FGD2: variants seen among roughly 807,000 people sequenced by gnomAD.
FGD2 encodes FYVE, RhoGEF and PH domain containing 2.
Under a neutral mutation model 75.9 loss-of-function variants are expected in FGD2, and 52 were observed. That is an observed-to-expected ratio of 0.69 (90% CI 0.55 to 0.86). The LOEUF (loss-of-function observed/expected upper bound fraction) is 0.86, where lower values mean the gene tolerates loss of function less well. FGD2 is among the 40% of genes least tolerant of loss of function. The pLI is 0.00. For missense variants in FGD2, 790 were observed against 872.0 expected (o/e 0.91, Z 1.18); for synonymous variants, 347 against 348.6 (o/e 1.00, Z 0.05).
chr6:37,007,870 C>T (rs903839677), intron 1 of FGD2, among the ~76,000 whole-genome samples: 1 of 152,156 alleles, frequency 6.6e-6, no homozygotes, highest in Non-Finnish European at 1.5e-5. Flanking sequence ...AGCACTAGGT[C>T]CCAATGCTTT....
intron 12 of FGD2, chr6:37,021,933 G>C: frequency 2.0e-6 from 1 of 494,012 alleles, no homozygotes; most frequent in Non-Finnish European, 3.6e-6. Flanking sequence ...AGGTGAGTGA[G>C]GTGGGGGCTG....
chr6:37,011,610 A>C, intron 3 of FGD2, 96 bp from the exon 4 acceptor site: 3 of 1,500,168 alleles, frequency 2.0e-6, no homozygotes, highest in Non-Finnish European at 2.7e-6. Flanking sequence ...GGGAGGTGGA[A>C]GCATGCAGTA....
At chr6:37,027,866 C>A (rs1044437037) in intron 15 of FGD2, 82 bp from the exon 16 acceptor site, 1 of 1,467,744 alleles carries the variant, frequency 6.8e-7, no homozygotes. Context: ...GCTGTGCGTG[C>A]GTGGCTGTTG....
chr6:37,006,844 C>T (rs1002109615), intron 1 of FGD2, among the ~76,000 whole-genome samples: 1 of 152,042 alleles, frequency 6.6e-6, no homozygotes, highest in Non-Finnish European at 1.5e-5. Context: ...CTGCAGTGCA[C>T]CTGCCACAGA....
intron 3 of FGD2, 89 bp downstream of exon 3, chr6:37,011,139 G>A: frequency 7.8e-7 from 1 of 1,281,754 alleles, no homozygotes; most frequent in Non-Finnish European, 1.1e-6. Flanking sequence ...GCTCACCAGA[G>A]CTGAGTCAGG....
chr6:37,021,522 C>T lies in FGD2; in HGVS notation c.1244C>T (p.Ala415Val). The T allele has an allele frequency of 6.2e-7, 1 of 1,613,498 alleles. No individual in the cohort carries two copies. The highest frequency in any genetic ancestry group is 8.5e-7 in the Non-Finnish European group (1 of 1,179,704). The change falls in exon 12 of 16, where the codon GCA (alanine) becomes GTA (valine). Residue 415 changes from alanine (A) to valine (V), a missense_variant. Transcript: ENST00000274963. ...EMISWMQAFQ[A>V]AIDQIEKRNE... is the part of the protein sequence containing the mutation. ...CTCCCTGCACCCCAGGCCTTCCAAG[C>T]AGCCATTGACCAAATCGAGAAGCGG...
In FGD2 at chr6:37,015,853, G is replaced by A. The variant is rs1300092525; in HGVS notation, c.1115G>A (p.Gly372Glu). Residue 372 changes from glycine to glutamate, a missense_variant, in exon 9 of 16, where the codon GGG (glycine) becomes GAG (glutamate). Gly to Glu is a moderately conservative substitution (Grantham distance 98). Coordinates refer to ENST00000274963, the MANE Select transcript of FGD2 (RefSeq NM_173558.4). ...FQVRTRIDVA[G>E]MKVRELMDAE... ...GTGAGGACCCGCATCGATGTGGCCG[G>A]GATGAAGGTAAGAGGCCCCCTAAAC... is the stretch of plus-strand genomic sequence containing the variant. 1.3e-6 allele frequency: 2 copies of A among 1,579,870 alleles called. No homozygotes were observed. The highest frequency in any genetic ancestry group is 1.7e-6 in the Non-Finnish European group (2 of 1,163,042).
intron 14 of FGD2, chr6:37,026,238 C>A (rs936714796): frequency 1.0e-6 from 1 of 985,336 alleles, no homozygotes; most frequent in Admixed American, 6.1e-5. Context: ...CTCATGTTCA[C>A]GTCCCCATGT....
rs1765013471 is a variant in FGD2, at chr6:37,011,706, G to A, written c.379G>A (p.Val127Met). ...YVARLHLLDQ[V>M]FFQELLKTAR... ...GAGTGACCTGTCGTGGCGGCTACAGGTGTTTTTCCAGGAGCTGCTGAAGAC... is the reference window on the plus strand; with the variant it reads ...GAGTGACCTGTCGTGGCGGCTACAGATGTTTTTCCAGGAGCTGCTGAAGAC... The change falls in exon 4 of 16, where the codon GTG (valine) becomes ATG (methionine). Residue 127 changes from valine to methionine, a missense_variant and splice_region_variant. By Grantham distance (21) the Val-to-Met change is conservative. Coordinates refer to ENST00000274963, the MANE Select transcript of FGD2 (RefSeq NM_173558.4). The A allele has an allele frequency of 1.2e-6, 2 of 1,613,394 alleles. No homozygotes were observed. Among genetic ancestry groups the A allele is most frequent in the Non-Finnish European group, 8.5e-7 (1 of 1,179,764 alleles).
chr6:37,020,207 T>C (rs536423359), intron 9 of FGD2, among the ~76,000 whole-genome samples: 1 of 152,380 alleles, frequency 6.6e-6, no homozygotes, highest in South Asian at 2.1e-4. Context: ...GAAAACGGTA[T>C]AATGAACCTC....
intron 4 of FGD2, chr6:37,013,048 T>A (rs1475598050): frequency 1.7e-5 from 2 of 120,438 alleles, no homozygotes; most frequent in Non-Finnish European, 3.6e-5. Flanking sequence ...GTGAGGGGCA[T>A]GGAATGAGGT....
chr6:37,025,776 T>C lies in FGD2; in HGVS notation c.1459-16T>C. ...GCCTGGTCTCAGCCCCATGCCCCCT[T>C]ATGTGTCCTCCTCAGGTGGTGTGTG... On this transcript the variant is annotated splice_polypyrimidine_tract_variant and intron_variant, in intron 13 of 15. Coordinates refer to ENST00000274963, the MANE Select transcript of FGD2 (RefSeq NM_173558.4). 6.2e-7 allele frequency: 1 copy of C among 1,613,938 alleles called. No homozygotes were observed. The highest frequency in any genetic ancestry group is 8.5e-7 in the Non-Finnish European group (1 of 1,179,946).
At chr6:37,027,180 C>A (rs181257211) in intron 14 of FGD2, among the ~76,000 whole-genome samples, 21 of 152,142 alleles carry the variant, frequency 1.4e-4, no homozygotes, top group Non-Finnish European at 2.6e-4. Context: ...GGCACCCTCC[C>A]GGCACCTGCC....
At chr6:37,022,526 T>A (rs1765640946) in intron 13 of FGD2, 156 bp downstream of exon 13, 1 of 1,039,658 alleles carries the variant, frequency 9.6e-7, no homozygotes, top group Non-Finnish European at 1.3e-6. Context: ...CCTCCACCTG[T>A]CCCTCCGAGG....
chr6:37,027,658 C>T, intron 15 of FGD2, 83 bp downstream of exon 15: 1 of 1,521,714 alleles, frequency 6.6e-7, no homozygotes, highest in African/African-American at 1.4e-5. Flanking sequence ...GTGAGTATTG[C>T]TAGCTCCATA....
At position 37,011,689 on chromosome 6, in the gene FGD2, T is replaced by A. The variant is rs1430203188; in HGVS notation, c.379-17T>A. The A allele has an allele frequency of 1.2e-6, 2 of 1,613,182 alleles. No homozygotes were observed. Among genetic ancestry groups the A allele is most frequent in the East Asian group, 4.5e-5 (2 of 44,822 alleles). On this transcript the variant is annotated splice_polypyrimidine_tract_variant and intron_variant, in intron 3 of 15. Transcript: ENST00000274963. The stretch of plus-strand genomic sequence containing the variant: ...CTCCCTGTCACTGCAGTGAGTGACC[T>A]GTCGTGGCGGCTACAGGTGTTTTTC...
Position 37,028,141 on chromosome 6 carries a change from A to G in FGD2, c.1946A>G (p.Asn649Ser). 6.2e-7 allele frequency: 1 copy of G among 1,601,790 alleles called. No individual in the cohort carries two copies. The highest frequency in any genetic ancestry group is 2.2e-5 in the East Asian group (1 of 44,574). ...AASGWSPSWP[N>S]DGDLSD ...AGTGGCTGGAGCCCCAGCTGGCCCA[A>G]CGATGGGGACCTGTCCGACTGAGCC... The change falls in exon 16 of 16, where the codon AAC becomes AGC. Residue 649 changes from asparagine (N) to serine (S), a missense_variant. Physicochemically the swap from Asn to Ser is conservative, Grantham distance 46. Transcript: ENST00000274963.
chr6:37,020,763 T>C (rs1272282794), intron 11 of FGD2, 24 bp downstream of exon 11: 4 of 1,556,224 alleles, frequency 2.6e-6, no homozygotes, highest in Non-Finnish European at 8.7e-7. Flanking sequence ...CCGAGGCTTC[T>C]GGGAGTCTTT....
In FGD2 at chr6:37,028,181, T is replaced by A. The variant is rs745786333; in HGVS notation, c.*18T>A. 2.9e-5 allele frequency: 45 copies of A among 1,527,936 alleles called. No homozygotes were observed. Among genetic ancestry groups the A allele is most frequent in the Non-Finnish European group, 4.0e-5 (45 of 1,135,182 alleles). The allele number at this position is 1,527,936 out of a possible 1,614,324, so 94.6% of individuals were successfully genotyped here. A position where few individuals can be genotyped will look rare whatever the true frequency, so the allele number is the denominator to read the frequency against. On this transcript the variant is annotated 3_prime_UTR_variant, in exon 16 of 16. Transcript: ENST00000274963. ...CCGACTGAGCCACTGCCAGCCGCTCTCCTGCCCACCTCTCCCCACCCTGAA... is the reference window on the plus strand; with the variant it reads ...CCGACTGAGCCACTGCCAGCCGCTCACCTGCCCACCTCTCCCCACCCTGAA...
Sources: gnomAD v4.1 joint callset for allele counts (sites outside exome capture counted in the v4.1 genomes callset) on GRCh38, gnomAD v4.1.1 for gene constraint, MANE v1.5 for transcripts, NCBI Gene and HGNC (gene_info 2026-07-23, HGNC 2026-07-21) for gene names.